FBXO21: variants seen among roughly 807,000 people sequenced by gnomAD.
The protein encoded by FBXO21 is F-box protein 21.
FBXO21 carries 32 observed loss-of-function variants against 76.6 expected under a neutral mutation model. The observed-to-expected ratio is 0.42, with a 90% CI of 0.32 to 0.56. The LOEUF is 0.56. Among genes scored for constraint, FBXO21 ranks in the 20% least tolerant of loss-of-function variants. The probability of loss-of-function intolerance (pLI) is 0.16; values close to 1 mark genes in which losing one functional copy is unlikely to be tolerated. For missense variants in FBXO21, 586 were observed against 797.3 expected, an observed-to-expected ratio of 0.73 and a Z score of 3.19; for synonymous variants, 328 against 311.5, an observed-to-expected ratio of 1.05 and a Z score of -0.56.
chr12:117,189,749 T>C (rs1299881359), intron 1 of FBXO21, among the ~76,000 whole-genome samples: 2 of 152,048 alleles, frequency 1.3e-5, no homozygotes, highest in African/African-American at 4.8e-5. Flanking sequence ...TCAAAGTCTA[T>C]GAACGAGGCT....
In FBXO21 at chr12:117,190,333, G is replaced by A; in HGVS notation, c.124C>T (p.Leu42=). 1.3e-6 allele frequency: 2 copies of A among 1,543,916 alleles called. No homozygotes were observed. The highest frequency in any genetic ancestry group is 1.2e-5 in the South Asian group (1 of 83,800). ...GCGGCCGTCAGCGAGCCGCAGCACA[G>A]GATGTACTCCAGCACCTCACCCGGC... ...NLPGEVLEYI[L]CCGSLTAADI... Residue 42 remains leucine (L), a synonymous_variant, in exon 1 of 12, where the codon CTG becomes TTG. Coordinates refer to ENST00000622495, the MANE Select transcript of FBXO21 (RefSeq NM_015002.3).
chr12:117,149,797 C>T (rs533492309), intron 11 of FBXO21, among the ~76,000 whole-genome samples: 4 of 152,280 alleles, frequency 2.6e-5, no homozygotes, highest in African/African-American at 7.2e-5. Context: ...TGGTAACATT[C>T]GGCTTCTGTT....
rs527999269 is a variant in FBXO21 at position 117,143,924 on chromosome 12, T to C, written c.*2163A>G. The C allele has an allele frequency of 6.5e-6, 1 of 152,794 alleles. No homozygotes were observed. The highest frequency in any genetic ancestry group is 2.1e-4 in the South Asian group (1 of 4,830). 9.5% of individuals were successfully genotyped at this position (152,794 alleles called of 1,614,324 possible). A position where few individuals can be genotyped will look rare whatever the true frequency, so the allele number is the denominator to read the frequency against. Reference sequence around the variant, plus strand: ...ACGTTTATAACAGGGCTTTTTAAAATGGAGAAAAGTTTTGGAAAATTTTTA... The same window carrying C: ...ACGTTTATAACAGGGCTTTTTAAAACGGAGAAAAGTTTTGGAAAATTTTTA... On this transcript the variant is annotated 3_prime_UTR_variant, in exon 12 of 12. Coordinates refer to ENST00000622495, the MANE Select transcript of FBXO21 (RefSeq NM_015002.3).
At chr12:117,161,094 C>G (rs1472714273) in intron 9 of FBXO21, among the ~76,000 whole-genome samples, 1 of 152,098 alleles carries the variant, frequency 6.6e-6, no homozygotes, top group East Asian at 1.9e-4. Context: ...GCAGCTACCA[C>G]AGACTGGACA....
At chr12:117,161,703 C>T in intron 9 of FBXO21, among the ~76,000 whole-genome samples, 1 of 152,140 alleles carries the variant, frequency 6.6e-6, no homozygotes, top group Admixed American at 6.5e-5. Context: ...AGGCAGGGGT[C>T]CAGTGCTCCA....
intron 7 of FBXO21, among the ~76,000 whole-genome samples, chr12:117,171,292 A>G (rs1317481894): frequency 1.4e-5 from 2 of 139,962 alleles, no homozygotes; most frequent in East Asian, 4.8e-4. Flanking sequence ...CAGGAGATGG[A>G]GGATGCAGTA....
chr12:117,155,736 G>T (rs1180382647), intron 11 of FBXO21, 55 bp downstream of exon 11: 2 of 1,556,660 alleles, frequency 1.3e-6, no homozygotes, highest in Admixed American at 3.8e-5. Flanking sequence ...GGGCTCAAAC[G>T]TGCGCTGAAA....
chr12:117,177,602 A>C lies in FBXO21; in HGVS notation c.510T>G (p.Leu170=). 6.2e-7 allele frequency: 1 copy of C among 1,613,958 alleles called. No homozygotes were observed. ...AGATCTTCTGTTGCCGCAGGTAGTA[A>C]AGAATTTTTTTTGCGTAGTATTTCC... ...LTWKYYAKKI[L]YYLRQQKILN... The change falls in exon 4 of 12, where the codon CTT becomes CTG. Residue 170 remains leucine, a synonymous_variant. Transcript: ENST00000622495.
At chr12:117,162,703 T>G (rs1016930161) in intron 9 of FBXO21, among the ~76,000 whole-genome samples, 3 of 152,142 alleles carry the variant, frequency 2.0e-5, no homozygotes, top group African/African-American at 7.2e-5. Flanking sequence ...CCCTTTCACT[T>G]GATAAACTCA....
In FBXO21 at chr12:117,172,938, G is replaced by GCT. The variant is rs1956132642; in HGVS notation, c.877-333_877-332dup. 2.0e-5 allele frequency among the ~76,000 whole-genome samples: 3 copies of GCT among 152,276 alleles called. No homozygotes were observed. The East Asian group carries it at 5.8e-4, about 29-fold the overall frequency. ...ATACAGTTTTGTTGGACACAGCCAT[G>GCT]CTCAGTTGTTTTTATATTATCTGTG... On this transcript the variant is annotated intron_variant, in intron 6 of 11. Transcript: ENST00000622495.
intron 9 of FBXO21, 36 bp from the exon 10 acceptor site, chr12:117,158,099 T>A: frequency 1.2e-6 from 2 of 1,612,264 alleles, no homozygotes; most frequent in Non-Finnish European, 1.7e-6. Flanking sequence ...AAGATAATAT[T>A]TTCAGCTAGG....
intron 3 of FBXO21, among the ~76,000 whole-genome samples, chr12:117,184,398 C>T (rs1395905431): frequency 1.3e-5 from 2 of 152,066 alleles, no homozygotes; most frequent in Non-Finnish European, 2.9e-5. Flanking sequence ...GACTCTACTG[C>T]CTAGAAACAT....
At chr12:117,189,465 G>GT in intron 1 of FBXO21, 103 bp from the exon 2 acceptor site, 1 of 1,270,014 alleles carries the variant, frequency 7.9e-7, no homozygotes, top group Non-Finnish European at 1.1e-6. Context: ...GCGTCCAGTG[G>GT]TAAGAGGGAC....
At chr12:117,161,727 A>C (rs1375552559) in intron 9 of FBXO21, among the ~76,000 whole-genome samples, 1 of 152,172 alleles carries the variant, frequency 6.6e-6, no homozygotes, top group East Asian at 1.9e-4. Context: ...GCCACAGCAG[A>C]CAGGCAGAAA....
chr12:117,167,732 A>G (rs1303418522), intron 7 of FBXO21, among the ~76,000 whole-genome samples: 1 of 144,258 alleles, frequency 6.9e-6, no homozygotes, highest in East Asian at 2.0e-4. Flanking sequence ...GGCGACAGAA[A>G]AAGACTCTGT....
At position 117,144,117 on chromosome 12, in the gene FBXO21, G is replaced by T. The variant is rs941590406; in HGVS notation, c.*1970C>A. On this transcript the variant is annotated 3_prime_UTR_variant, in exon 12 of 12. Transcript: ENST00000622495. Reference sequence around the variant, plus strand: ...AGTCTAGATACATATGTACAGCTGGGTCAGTAAAGGTAAAACCATCTTTCT... The same window carrying T: ...AGTCTAGATACATATGTACAGCTGGTTCAGTAAAGGTAAAACCATCTTTCT... 1 of 152,456 alleles carries T rather than the reference G, an allele frequency of 6.6e-6. No individual in the cohort carries two copies. The highest frequency in any genetic ancestry group is 1.5e-5 in the Non-Finnish European group (1 of 68,016). 9.4% of individuals were successfully genotyped at this position (152,456 alleles called of 1,614,324 possible). A position where few individuals can be genotyped will look rare whatever the true frequency, so the allele number is the denominator to read the frequency against.
chr12:117,155,831 G>A lies in FBXO21; in HGVS notation c.1635C>T (p.Asn545=). The part of the protein sequence containing the change: ...LPHGHHQPFY[N]VLVEDGSCRY... ...GACAGGAGCCGTCCTCCACCAGCAC[G>A]TTATAGAAAGGCTGGTGGTGGCCGT... Residue 545 remains asparagine, a synonymous_variant, in exon 11 of 12, where the codon AAC becomes AAT. Transcript: ENST00000622495. 2 of 1,614,134 alleles carry A rather than the reference G, an allele frequency of 1.2e-6. No homozygotes were observed. The highest frequency in any genetic ancestry group is 2.7e-5 in the African/African-American group (2 of 75,066).
chr12:117,171,185 A>AAGACCCCGT (rs1442378947), intron 7 of FBXO21, among the ~76,000 whole-genome samples: 1 of 151,860 alleles, frequency 6.6e-6, no homozygotes, highest in African/African-American at 2.4e-5. Flanking sequence ...GCAACATGGC[A>AAGACCCCGT]AGACCCCGTC....
At chr12:117,156,461 T>C (rs536871856) in intron 10 of FBXO21, among the ~76,000 whole-genome samples, 8 of 152,294 alleles carry the variant, frequency 5.3e-5, no homozygotes, top group African/African-American at 1.7e-4. Flanking sequence ...AGATACTGCA[T>C]GAAGTTAAGG....
Sources: gnomAD v4.1 joint callset for allele counts (sites outside exome capture counted in the v4.1 genomes callset) on GRCh38, gnomAD v4.1.1 for gene constraint, MANE v1.5 for transcripts, NCBI Gene and HGNC (gene_info 2026-07-23, HGNC 2026-07-21) for gene names.